The following SPAG16 variants were observed in gnomAD, a reference collection of about 807,000 sequenced individuals.
The protein encoded by SPAG16 is sperm-associated antigen 16 protein.
Under a neutral mutation model 80.4 loss-of-function variants are expected in SPAG16, and 86 were observed. The observed-to-expected ratio is 1.07, with a 90% CI of 0.90 to 1.28. SPAG16 has a LOEUF of 1.28. Ranked by LOEUF, SPAG16 falls within the 50% of genes most tolerant of loss-of-function variation. SPAG16 has a pLI of 0.00. For synonymous variants in SPAG16, 294 were observed against 265.9 expected (o/e 1.11, Z -1.03); for missense variants, 870 against 765.3 (o/e 1.14, Z -1.61).
chr2:214,146,736 C>T (rs1185647351), intron 14 of SPAG16, among the ~76,000 whole-genome samples: 3 of 152,152 alleles, frequency 2.0e-5, no homozygotes, highest in Admixed American at 6.5e-5. Context: ...CGCAGTGGCT[C>T]ATACCTGTAA....
At chr2:213,651,959 ACT>A (rs2063039576) in intron 10 of SPAG16, among the ~76,000 whole-genome samples, 2 of 151,722 alleles carry the variant, frequency 1.3e-5, no homozygotes, top group African/African-American at 4.8e-5. Flanking sequence ...ACCCCAGACT[ACT>A]CTCTGATTAG....
At chr2:214,077,899 G>C (rs1305295415) in intron 13 of SPAG16, among the ~76,000 whole-genome samples, 1 of 152,184 alleles carries the variant, frequency 6.6e-6, no homozygotes, top group Non-Finnish European at 1.5e-5. Context: ...TTGTGTAGTA[G>C]CCAATGCAGG....
At chr2:213,634,895 C>T (rs1398142889) in intron 10 of SPAG16, among the ~76,000 whole-genome samples, 1 of 152,040 alleles carries the variant, frequency 6.6e-6, no homozygotes, top group Non-Finnish European at 1.5e-5. Context: ...GAATAATGGT[C>T]TCCAACTCCA....
intron 11 of SPAG16, among the ~76,000 whole-genome samples, chr2:213,902,166 A>T (rs1267557422): frequency 6.6e-6 from 1 of 152,238 alleles, no homozygotes; most frequent in African/African-American, 2.4e-5. Context: ...ATGGAGCCTA[A>T]GTTAAAGGCA....
intron 10 of SPAG16, among the ~76,000 whole-genome samples, chr2:213,499,376 T>C (rs537723687): frequency 6.6e-6 from 1 of 152,288 alleles, no homozygotes; most frequent in East Asian, 1.9e-4. Context: ...TGTCTGTGTC[T>C]CCCAACACCA....
intron 10 of SPAG16, among the ~76,000 whole-genome samples, chr2:213,577,690 A>T (rs2060174630): frequency 6.6e-6 from 1 of 152,068 alleles, no homozygotes; most frequent in African/African-American, 2.4e-5. Flanking sequence ...TACCAAGCAT[A>T]CTTTATCTTT....
chr2:213,700,895 C>G (rs6733563), intron 10 of SPAG16, among the ~76,000 whole-genome samples: 3,731 of 152,072 alleles, frequency 0.025, 150 homozygotes, highest in African/African-American at 0.084. Flanking sequence ...ACATATAATC[C>G]CAGCACTTTG....
At chr2:213,515,428 A>T (rs139491952) in intron 10 of SPAG16, among the ~76,000 whole-genome samples, 1 of 152,158 alleles carries the variant, frequency 6.6e-6, no homozygotes, top group Admixed American at 6.5e-5. Flanking sequence ...TAGCTAGTCT[A>T]TTGCCCTGTT....
At chr2:214,060,205 C>A (rs1353430111) in intron 13 of SPAG16, among the ~76,000 whole-genome samples, 2 of 152,146 alleles carry the variant, frequency 1.3e-5, no homozygotes, top group Admixed American at 6.6e-5. Context: ...ATATTAGATT[C>A]ATCCTCCGGC....
At chr2:214,028,563 T>C (rs2048252149) in intron 13 of SPAG16, among the ~76,000 whole-genome samples, 2 of 152,228 alleles carry the variant, frequency 1.3e-5, no homozygotes, top group South Asian at 2.1e-4. Context: ...TACTTAGTTA[T>C]AATTTCATAA....
At chr2:214,159,013 A>G (rs1047812705) in intron 15 of SPAG16, among the ~76,000 whole-genome samples, 1 of 151,972 alleles carries the variant, frequency 6.6e-6, no homozygotes, top group Admixed American at 6.6e-5. Flanking sequence ...ATTTGTATCT[A>G]TGTGGCAAGT....
chr2:214,082,782 G>A (rs1161244962), intron 13 of SPAG16, among the ~76,000 whole-genome samples: 1 of 152,116 alleles, frequency 6.6e-6, no homozygotes, highest in African/African-American at 2.4e-5. Flanking sequence ...CTACCATTAT[G>A]CTCAACAGAT....
At chr2:213,719,941 T>A (rs2066439256) in intron 10 of SPAG16, among the ~76,000 whole-genome samples, 1 of 152,150 alleles carries the variant, frequency 6.6e-6, no homozygotes, top group Non-Finnish European at 1.5e-5. Context: ...CCAACCCAAA[T>A]ACCCATCAGT....
At chr2:213,696,483 C>T (rs1247943184) in intron 10 of SPAG16, among the ~76,000 whole-genome samples, 4 of 152,002 alleles carry the variant, frequency 2.6e-5, no homozygotes, top group African/African-American at 7.2e-5. Flanking sequence ...AGGGCACATC[C>T]CTGGCTCACT....
intron 13 of SPAG16, among the ~76,000 whole-genome samples, chr2:214,024,694 G>A (rs1309712713): frequency 6.6e-6 from 1 of 151,508 alleles, no homozygotes; most frequent in Admixed American, 6.6e-5. Context: ...TTGATAGAGA[G>A]CTAAAACCAA....
intron 5 of SPAG16, among the ~76,000 whole-genome samples, chr2:213,328,565 C>A (rs1445467334): frequency 6.6e-6 from 1 of 152,156 alleles, no homozygotes; most frequent in South Asian, 2.1e-4. Context: ...TGATGCCAAA[C>A]AGTCTGCCAT....
chr2:213,510,868 C>T (rs1255748883), intron 10 of SPAG16, among the ~76,000 whole-genome samples: 2 of 152,024 alleles, frequency 1.3e-5, no homozygotes, highest in African/African-American at 2.4e-5. Context: ...ATTTCCAATC[C>T]TGGAACCAAT....
intron 13 of SPAG16, among the ~76,000 whole-genome samples, chr2:214,106,473 G>A (rs927878289): frequency 3.9e-5 from 6 of 152,156 alleles, no homozygotes; most frequent in African/African-American, 1.2e-4. Context: ...TTTATGTGGG[G>A]AAATTTTGCA....
chr2:213,336,332 C>A (rs1195384025), intron 5 of SPAG16, among the ~76,000 whole-genome samples: 1 of 152,172 alleles, frequency 6.6e-6, no homozygotes, highest in Non-Finnish European at 1.5e-5. Flanking sequence ...CTGGGAACTC[C>A]CATGAGGCAG....
Sources: allele counts gnomAD v4.1 joint callset (sites outside exome capture counted in the v4.1 genomes callset), GRCh38; gene constraint gnomAD v4.1.1; transcripts MANE v1.5; gene names NCBI Gene and HGNC (gene_info 2026-07-23, HGNC 2026-07-21).